ACAD10: variants seen among roughly 807,000 people sequenced by gnomAD.
ACAD10 encodes acyl-CoA dehydrogenase family member 10, also known as ACAD-10.
A neutral mutation model predicts 116.8 loss-of-function variants in ACAD10; 112 were observed. The ratio of observed to expected loss-of-function variants is 0.96; its 90% CI spans 0.82 to 1.12. The LOEUF is 1.12. Ranked by LOEUF, ACAD10 falls within the 50% of genes most tolerant of loss-of-function variation. The probability of loss-of-function intolerance (pLI) is 0.00; values close to 1 mark genes in which losing one functional copy is unlikely to be tolerated. For synonymous variants in ACAD10, 486 were observed against 510.6 expected, an observed-to-expected ratio of 0.95 and a Z score of 0.65; for missense variants, 1,259 against 1,350.2, an observed-to-expected ratio of 0.93 and a Z score of 1.06.
chr12:111,703,398 G>A (rs1174022521), intron 3 of ACAD10, among the ~76,000 whole-genome samples: 2 of 152,126 alleles, frequency 1.3e-5, no homozygotes, highest in African/African-American at 2.4e-5. Flanking sequence ...ACTGTGCACT[G>A]TTCTAAGCTC....
intron 4 of ACAD10, among the ~76,000 whole-genome samples, chr12:111,707,303 C>T (rs1207727189): frequency 3.3e-5 from 5 of 151,470 alleles, no homozygotes; most frequent in African/African-American, 1.2e-4. Context: ...ACCCTGTTGG[C>T]CAGGGTGGTC....
chr12:111,738,099 C>T (rs530479343), intron 12 of ACAD10, among the ~76,000 whole-genome samples: 61 of 152,080 alleles, frequency 4.0e-4, no homozygotes, highest in Non-Finnish European at 7.9e-4. Flanking sequence ...TCAGATGATC[C>T]ATCCACCTCG....
chr12:111,717,101 A>G (rs1888866604), intron 7 of ACAD10, among the ~76,000 whole-genome samples: 1 of 152,122 alleles, frequency 6.6e-6, no homozygotes, highest in Non-Finnish European at 1.5e-5. Flanking sequence ...CAACTGGGAA[A>G]AGTAAGCCTT....
intron 1 of ACAD10, among the ~76,000 whole-genome samples, chr12:111,689,189 C>T (rs1251748606): frequency 6.6e-6 from 1 of 151,314 alleles, no homozygotes; most frequent in Non-Finnish European, 1.5e-5. Context: ...GACTCCATAT[C>T]AAAAAATATA....
chr12:111,732,364 A>G (rs1163743873), intron 10 of ACAD10, among the ~76,000 whole-genome samples: 1 of 152,228 alleles, frequency 6.6e-6, no homozygotes, highest in African/African-American at 2.4e-5. Context: ...TCAAAAGGGT[A>G]ATATATCATT....
intron 11 of ACAD10, 88 bp from the exon 12 acceptor site, chr12:111,736,743 A>G: frequency 7.2e-7 from 1 of 1,390,962 alleles, no homozygotes; most frequent in South Asian, 1.4e-5. Context: ...TGCAAGGGAC[A>G]TGGCGATTTT....
intron 10 of ACAD10, among the ~76,000 whole-genome samples, chr12:111,730,770 T>TTTA (rs1215741133): frequency 1.2e-4 from 18 of 151,420 alleles, no homozygotes; most frequent in African/African-American, 3.9e-4. Flanking sequence ...TTTTTTTTTT[T>TTTA]AGACATCGTC....
chr12:111,728,043 C>T lies in ACAD10; in HGVS notation c.1143C>T (p.Pro381=), dbSNP rs1889272815. 6.2e-7 allele frequency: 1 copy of T among 1,613,978 alleles called. No individual in the cohort carries two copies. Among genetic ancestry groups the T allele is most frequent in the Admixed American group, 1.7e-5 (1 of 59,980 alleles). Residue 381 remains proline, a synonymous_variant, in exon 9 of 21, where the codon CCC becomes CCT. Coordinates refer to ENST00000313698, the MANE Select transcript of ACAD10 (RefSeq NM_025247.6). ...YKDPSLPGLE[P]SHRRAIYTAM... is the part of the protein sequence containing the mutation. ...ACCCTTCCCTGCCAGGCTTGGAGCC[C>T]AGCCACAGACGAGCCATATACACTG...
At chr12:111,749,487 T>C in intron 18 of ACAD10, 142 bp downstream of exon 18, 1 of 1,127,956 alleles carries the variant, frequency 8.9e-7, no homozygotes, top group African/African-American at 1.6e-5. Context: ...GTTGCATTCC[T>C]GTCTGCTTTG....
At chr12:111,694,036 A>T (rs1888128275) in intron 2 of ACAD10, among the ~76,000 whole-genome samples, 1 of 152,134 alleles carries the variant, frequency 6.6e-6, no homozygotes, top group African/African-American at 2.4e-5. Flanking sequence ...AGCAGGAAGG[A>T]CAAAGGGCCA....
rs1012560512 is a variant in ACAD10 at position 111,725,017 on chromosome 12, G to T, written c.1062-2945G>T. Among the ~76,000 whole-genome samples the T allele has an allele frequency of 3.3e-5, 5 of 152,120 alleles. No homozygotes were observed. In the East Asian group the frequency reaches 9.6e-4, roughly 29 times the overall value. On this transcript the variant is annotated intron_variant, in intron 8 of 20. Coordinates refer to ENST00000313698, the MANE Select transcript of ACAD10 (RefSeq NM_025247.6). ...GTAACATTTGAAACCTTCAGAAAAGGTGAAAGAAGAAAAACTAATACAATG... is the reference window on the plus strand; with the variant it reads ...GTAACATTTGAAACCTTCAGAAAAGTTGAAAGAAGAAAAACTAATACAATG...
chr12:111,729,828 A>G lies in ACAD10; in HGVS notation c.1266A>G (p.Val422=). Residue 422 remains valine, a synonymous_variant, in exon 10 of 21, where the codon GTA becomes GTG. Transcript: ENST00000313698. ...GKQGDYIPRQ[V]RTWVKQYRAS... is the part of the protein sequence containing the mutation. The stretch of plus-strand genomic sequence containing the variant: ...CAGGGGACTATATTCCACGCCAGGT[A>G]CGAACCTGGGTTAAGCAGTATCGAG... 1 of 1,614,048 alleles carries G rather than the reference A, an allele frequency of 6.2e-7. No homozygotes were observed. The highest frequency in any genetic ancestry group is 8.5e-7 in the Non-Finnish European group (1 of 1,179,942).
Position 111,729,858 on chromosome 12 carries a change from C to T in ACAD10, c.1296C>T (p.Ser432=), listed in dbSNP as rs753278585. The part of the protein sequence containing the change: ...VRTWVKQYRA[S]ETSTIPAMER... ...CCTGGGTTAAGCAGTATCGAGCTTC[C>T]GAAACTAGCACCATCCCAGCCATGG... The change falls in exon 10 of 21, where the codon TCC becomes TCT. Residue 432 remains serine (S), a synonymous_variant. Coordinates refer to ENST00000313698, the MANE Select transcript of ACAD10 (RefSeq NM_025247.6). 17 of 1,614,082 alleles carry T rather than the reference C, an allele frequency of 1.1e-5. No homozygotes were observed. Among genetic ancestry groups the T allele is most frequent in the African/African-American group, 1.3e-5 (1 of 75,008 alleles).
At chr12:111,737,430 G>A (rs1324633821) in intron 12 of ACAD10, among the ~76,000 whole-genome samples, 7 of 152,154 alleles carry the variant, frequency 4.6e-5, no homozygotes, top group Admixed American at 2.6e-4. Context: ...CAAGTGATCC[G>A]TCTGCCTTGG....
rs953094579 is a variant in ACAD10 at position 111,725,211 on chromosome 12, A to T, written c.1062-2751A>T. 2.3e-4 allele frequency among the ~76,000 whole-genome samples: 35 copies of T among 152,128 alleles called. 1 individual carries two copies. Among genetic ancestry groups the T allele is most frequent in the Non-Finnish European group, 4.4e-5 (3 of 68,018 alleles). ...AAGTTTCAGACAGCATGCATCTCTCAAGAATAAAGACATTGACCGGGCATA... is the reference window on the plus strand; with the variant it reads ...AAGTTTCAGACAGCATGCATCTCTCTAGAATAAAGACATTGACCGGGCATA... On this transcript the variant is annotated intron_variant, in intron 8 of 20. Transcript: ENST00000313698.
Position 111,714,703 on chromosome 12 carries a change from T to A in ACAD10, c.851-1118T>A, listed in dbSNP as rs547938229. ...AAAAAAGAAGACTTACAAAATTTTT[T>A]AAATTAAATTAAATTAAATTTTTTT... On this transcript the variant is annotated intron_variant, in intron 6 of 20. Transcript: ENST00000313698. Among the ~76,000 whole-genome samples, 17 of 151,786 alleles carry A rather than the reference T, an allele frequency of 1.1e-4. No individual in the cohort carries two copies. The South Asian group carries it at 2.5e-3, about 22-fold the overall frequency.
At chr12:111,732,561 G>A (rs78226348) in intron 10 of ACAD10, among the ~76,000 whole-genome samples, 2,387 of 152,176 alleles carry the variant, frequency 0.016, 73 homozygotes, top group African/African-American at 0.054. Flanking sequence ...AATCTGGAAG[G>A]TGGACACATG....
rs1278107454 is a variant in ACAD10 at position 111,709,878 on chromosome 12, C to T, written c.690+194C>T. The T allele has an allele frequency of 4.7e-6, 3 of 634,966 alleles. No homozygotes were observed. In the Admixed American group the frequency reaches 1.1e-4, roughly 22 times the overall value. 39.3% of individuals were successfully genotyped at this position (634,966 alleles called of 1,614,324 possible). ...TATTTTCAATGGGAAGCAAGACAAACAGGTACTGCGAAGGCAGGTTGAGAA... is the reference window on the plus strand; with the variant it reads ...TATTTTCAATGGGAAGCAAGACAAATAGGTACTGCGAAGGCAGGTTGAGAA... On this transcript the variant is annotated intron_variant, in intron 5 of 20. Coordinates refer to ENST00000313698, the MANE Select transcript of ACAD10 (RefSeq NM_025247.6).
chr12:111,689,659 C>T (rs1433817882), intron 1 of ACAD10, among the ~76,000 whole-genome samples: 3 of 151,542 alleles, frequency 2.0e-5, no homozygotes, highest in Non-Finnish European at 4.4e-5. Flanking sequence ...TTACAGGCGT[C>T]AGTTACTGTG....
Sources: allele counts gnomAD v4.1 joint callset (sites outside exome capture counted in the v4.1 genomes callset), GRCh38; gene constraint gnomAD v4.1.1; transcripts MANE v1.5; gene names NCBI Gene and HGNC (gene_info 2026-07-23, HGNC 2026-07-21).